LRRTM4: variants seen among roughly 807,000 people sequenced by gnomAD.
LRRTM4 encodes the protein leucine rich repeat transmembrane neuronal 4.
In LRRTM4, 25 loss-of-function variants were observed where a neutral mutation model predicts 47.6. That is an observed-to-expected ratio of 0.53 (90% confidence interval 0.38 to 0.73). The LOEUF (loss-of-function observed/expected upper bound fraction) is 0.73, where lower values mean the gene tolerates loss of function less well. Among genes scored for constraint, LRRTM4 ranks in the 30% least tolerant of loss-of-function variants. The probability of loss-of-function intolerance (pLI) is 0.00; values close to 1 mark genes in which losing one functional copy is unlikely to be tolerated. For missense variants in LRRTM4, 638 were observed against 713.4 expected, an observed-to-expected ratio of 0.89 and a Z score of 1.20; for synonymous variants, 311 against 269.5, an observed-to-expected ratio of 1.15 and a Z score of -1.51.
At chr2:77,000,184 C>G (rs984106659) in intron 3 of LRRTM4, among the ~76,000 whole-genome samples, 3 of 151,858 alleles carry the variant, frequency 2.0e-5, no homozygotes, top group African/African-American at 7.3e-5. Flanking sequence ...GACCCTGAAT[C>G]AAAACTGTGA....
At chr2:76,925,504 G>A (rs573713140) in intron 3 of LRRTM4, among the ~76,000 whole-genome samples, 3 of 152,126 alleles carry the variant, frequency 2.0e-5, no homozygotes, top group South Asian at 2.1e-4. Flanking sequence ...TGTTGATGTA[G>A]CCCATTAAGC....
intron 3 of LRRTM4, among the ~76,000 whole-genome samples, chr2:77,211,678 T>C (rs897858858): frequency 1.3e-5 from 2 of 152,178 alleles, no homozygotes; most frequent in Non-Finnish European, 2.9e-5. Context: ...CATTCATTTT[T>C]ACTACCCATG....
At chr2:76,829,436 T>C (rs943314765) in intron 3 of LRRTM4, among the ~76,000 whole-genome samples, 2 of 152,058 alleles carry the variant, frequency 1.3e-5, no homozygotes, top group South Asian at 2.1e-4. Flanking sequence ...GCTATCTTTA[T>C]TGATCATTTT....
chr2:76,955,713 A>T (rs1244307157), intron 3 of LRRTM4, among the ~76,000 whole-genome samples: 1 of 151,756 alleles, frequency 6.6e-6, no homozygotes, highest in East Asian at 2.0e-4. Flanking sequence ...AAACAGAAGA[A>T]GATGCAGGAT....
intron 3 of LRRTM4, among the ~76,000 whole-genome samples, chr2:77,219,705 T>C (rs1214064028): frequency 6.6e-6 from 1 of 152,206 alleles, no homozygotes; most frequent in South Asian, 2.1e-4. Context: ...ATTCCCGCCA[T>C]TCTTTTACGC....
At chr2:77,360,242 G>C (rs1191427681) in intron 3 of LRRTM4, among the ~76,000 whole-genome samples, 1 of 152,044 alleles carries the variant, frequency 6.6e-6, no homozygotes, top group African/African-American at 2.4e-5. Flanking sequence ...CGAATCACGA[G>C]GTCAGGAGAC....
rs1030114367 is a variant in LRRTM4 at position 76,965,251 on chromosome 2, T to C, written c.1552-216335A>G. Among the ~76,000 whole-genome samples the C allele has an allele frequency of 7.9e-5, 12 of 151,310 alleles. No individual in the cohort carries two copies. The East Asian group carries it at 1.2e-3, about 15-fold the overall frequency. ...AATTAAGATATTATAGAAGAGTGAATGTAAACTACAGACCAATCTCTCTCA... is the reference window on the plus strand; with the variant it reads ...AATTAAGATATTATAGAAGAGTGAACGTAAACTACAGACCAATCTCTCTCA... On this transcript the variant is annotated intron_variant, in intron 3 of 3. Transcript: ENST00000409884.
At chr2:76,821,417 G>C (rs1671050240) in intron 3 of LRRTM4, among the ~76,000 whole-genome samples, 1 of 151,632 alleles carries the variant, frequency 6.6e-6, no homozygotes, top group African/African-American at 2.4e-5. Context: ...CAGATGTCTA[G>C]TTTATTTTCC....
At chr2:77,482,219 A>AAT (rs1677731446) in intron 3 of LRRTM4, among the ~76,000 whole-genome samples, 1 of 152,208 alleles carries the variant, frequency 6.6e-6, no homozygotes, top group African/African-American at 2.4e-5. Flanking sequence ...GCTTTTTTCC[A>AAT]ATATGATTTT....
At chr2:77,031,433 T>C (rs1164805910) in intron 3 of LRRTM4, among the ~76,000 whole-genome samples, 2 of 152,200 alleles carry the variant, frequency 1.3e-5, no homozygotes, top group Non-Finnish European at 2.9e-5. Context: ...TCTAAGTAGA[T>C]CATGATTATC....
At chr2:77,066,943 A>G (rs938443832) in intron 3 of LRRTM4, among the ~76,000 whole-genome samples, 3 of 152,178 alleles carry the variant, frequency 2.0e-5, no homozygotes, top group Non-Finnish European at 4.4e-5. Context: ...GTGATCACAA[A>G]CCTAATATCT....
At chr2:77,103,849 C>G (rs576284198) in intron 3 of LRRTM4, among the ~76,000 whole-genome samples, 7 of 151,902 alleles carry the variant, frequency 4.6e-5, no homozygotes, top group Non-Finnish European at 8.8e-5. Context: ...TCAATTAACT[C>G]AAGGCATTCT....
chr2:77,335,700 G>C (rs1203342897), intron 3 of LRRTM4, among the ~76,000 whole-genome samples: 2 of 152,122 alleles, frequency 1.3e-5, no homozygotes, highest in Non-Finnish European at 2.9e-5. Flanking sequence ...CATGGGGGCA[G>C]GGTGTTATAT....
At chr2:77,158,925 T>C (rs1268140618) in intron 3 of LRRTM4, among the ~76,000 whole-genome samples, 1 of 152,108 alleles carries the variant, frequency 6.6e-6, no homozygotes, top group Non-Finnish European at 1.5e-5. Context: ...CTGCAAAATA[T>C]AGGTATCTCA....
intron 3 of LRRTM4, among the ~76,000 whole-genome samples, chr2:77,419,872 G>A (rs912901808): frequency 6.6e-6 from 1 of 152,094 alleles, no homozygotes; most frequent in African/African-American, 2.4e-5. Flanking sequence ...GGAAAGGAAC[G>A]ATTAAGTAAT....
At chr2:77,174,396 A>G (rs1673135106) in intron 3 of LRRTM4, among the ~76,000 whole-genome samples, 1 of 152,190 alleles carries the variant, frequency 6.6e-6, no homozygotes, top group Non-Finnish European at 1.5e-5. Flanking sequence ...CCATTCTGTC[A>G]TACTAGGCTG....
chr2:76,989,841 T>C (rs1433450719), intron 3 of LRRTM4: 4 of 151,840 alleles, frequency 2.6e-5, no homozygotes, highest in African/African-American at 7.2e-5. Context: ...TTGGTTTACT[T>C]ATCTCAAAAA....
At chr2:77,085,944 C>A (rs901122639) in intron 3 of LRRTM4, among the ~76,000 whole-genome samples, 8 of 152,244 alleles carry the variant, frequency 5.3e-5, no homozygotes, top group South Asian at 2.1e-4. Context: ...GAAGAAATTT[C>A]TTTATGCTAT....
At chr2:77,493,172 G>C (rs963832671) in intron 3 of LRRTM4, among the ~76,000 whole-genome samples, 13 of 151,978 alleles carry the variant, frequency 8.6e-5, no homozygotes, top group African/African-American at 3.1e-4. Flanking sequence ...TAAAGTCATA[G>C]TGTTAAATAC....
Sources: gnomAD v4.1 joint callset for allele counts (sites outside exome capture counted in the v4.1 genomes callset) on GRCh38, gnomAD v4.1.1 for gene constraint, MANE v1.5 for transcripts, NCBI Gene and HGNC (gene_info 2026-07-23, HGNC 2026-07-21) for gene names.